The following H3-7 variants were observed in gnomAD, a reference collection of about 807,000 sequenced individuals.
H3-7 encodes the protein histone H3-7.
the H3-7 span, chr1:143,905,829 G>A: frequency 3.8e-6 from 6 of 1,582,272 alleles, no homozygotes; most frequent in Non-Finnish European, 5.2e-6. Context: ...GCAGAGCCAC[G>A]GTGCCGGGCC....
At chr1:143,905,838 C>T in the H3-7 span, 3 of 1,582,100 alleles carry the variant, frequency 1.9e-6, no homozygotes, top group Non-Finnish European at 2.6e-6. Flanking sequence ...CGGTGCCGGG[C>T]CGGTAGCGGT....
the H3-7 span, chr1:143,904,400 G>T: frequency 2.2e-4 from 350 of 1,582,906 alleles, 42 homozygotes; most frequent in South Asian, 3.8e-3. Context: ...CGAAGATGTC[G>T]TTGACGAAGG....
the H3-7 span, chr1:143,904,405 C>G: frequency 5.6e-5 from 89 of 1,582,774 alleles, 11 homozygotes; most frequent in Middle Eastern, 6.7e-4. Flanking sequence ...ATGTCGTTGA[C>G]GAAGGAGTTC....
At chr1:143,904,370 C>G in the H3-7 span, 4 of 1,582,742 alleles carry the variant, frequency 2.5e-6, 1 homozygote, top group South Asian at 1.1e-5. Context: ...CCAGGCGGGA[C>G]GCCTCTCCCG....
At chr1:143,904,621 G>A in the H3-7 span, 4 of 1,581,518 alleles carry the variant, frequency 2.5e-6, no homozygotes, top group African/African-American at 4.0e-5. Context: ...CGAAAAAAGA[G>A]AACAGAGACT....
At chr1:143,904,737 T>G in the H3-7 span, 34 of 946,580 alleles carry the variant, frequency 3.6e-5, 2 homozygotes, top group Admixed American at 7.3e-4. Flanking sequence ...TTGGTTAACT[T>G]ACAACGGTGT....
At chr1:143,905,393 G>C in the H3-7 span, 2 of 597,534 alleles carry the variant, frequency 3.3e-6, no homozygotes, top group Non-Finnish European at 5.9e-6. Flanking sequence ...CCAACTCACG[G>C]CTGGGCTTTG....
the H3-7 span, chr1:143,905,707 C>T: frequency 8.2e-6 from 13 of 1,582,628 alleles, 2 homozygotes; most frequent in Non-Finnish European, 1.1e-5. Context: ...CACGGCCGAG[C>T]TCTGGAAGCG....
At chr1:143,905,302 G>A in the H3-7 span, among the ~76,000 whole-genome samples, 9 of 137,712 alleles carry the variant, frequency 6.5e-5, 1 homozygote, top group African/African-American at 1.6e-4. Flanking sequence ...ATTGGGAGCC[G>A]GACCTCTAGC....
At chr1:143,904,606 T>C in the H3-7 span, 1 of 1,584,328 alleles carries the variant, frequency 6.3e-7, no homozygotes, top group Non-Finnish European at 8.6e-7. Flanking sequence ...TCCGGCATTT[T>C]TGCGCGAAAA....
At chr1:143,904,764 G>T in the H3-7 span, 1,687 of 685,202 alleles carry the variant, frequency 2.5e-3, 54 homozygotes, top group African/African-American at 0.028. Context: ...AGGGGGTGGA[G>T]TCTATGTAAA....
the H3-7 span, chr1:143,904,578 G>A: frequency 6.2e-6 from 10 of 1,601,772 alleles, no homozygotes; most frequent in East Asian, 2.0e-4. Flanking sequence ...CTTGGGAGCA[G>A]GAGCGGATTT....
chr1:143,904,254 T>G, the H3-7 span: 2 of 1,585,516 alleles, frequency 1.3e-6, no homozygotes, highest in Non-Finnish European at 1.7e-6. Context: ...GGTGACCGCC[T>G]TGGTGCCCTC....
the H3-7 span, chr1:143,904,554 T>C: frequency 5.6e-6 from 9 of 1,605,662 alleles, no homozygotes; most frequent in Non-Finnish European, 7.7e-6. Context: ...CGTAACAGCC[T>C]TTTTGGAGCC....
chr1:143,905,587 A>G, the H3-7 span: 1 of 1,582,002 alleles, frequency 6.3e-7, no homozygotes, highest in Non-Finnish European at 8.7e-7. Flanking sequence ...GCGGCTGACC[A>G]ACTGGATGTC....
At chr1:143,905,853 C>T in the H3-7 span, 2 of 1,580,588 alleles carry the variant, frequency 1.3e-6, no homozygotes, top group Non-Finnish European at 8.7e-7. Context: ...AGCGGTGCGG[C>T]TTCTTCACCC....
At chr1:143,904,633 A>G in the H3-7 span, 4 of 1,579,322 alleles carry the variant, frequency 2.5e-6, 1 homozygote, top group Non-Finnish European at 2.6e-6. Flanking sequence ...ACAGAGACTT[A>G]AAGAAGTAAT....
chr1:143,905,846 G>C, the H3-7 span: 4 of 1,581,800 alleles, frequency 2.5e-6, 1 homozygote, highest in East Asian at 9.1e-5. Context: ...GGCCGGTAGC[G>C]GTGCGGCTTC....
chr1:143,904,312 C>T, the H3-7 span: 1 of 1,582,644 alleles, frequency 6.3e-7, no homozygotes, highest in Non-Finnish European at 8.7e-7. Flanking sequence ...AGGCGCACGG[C>T]CGTCTGGATC....
Sources: gnomAD v4.1 joint callset for allele counts (sites outside exome capture counted in the v4.1 genomes callset) on GRCh38, gnomAD v4.1.1 for gene constraint, MANE v1.5 for transcripts, NCBI Gene and HGNC (gene_info 2026-07-23, HGNC 2026-07-21) for gene names.